Variants in EFCAB14 observed in about 807,000 individuals in gnomAD.
EFCAB14 encodes the protein EF-hand calcium-binding domain-containing protein 14.
In EFCAB14, 43 loss-of-function variants were observed where a neutral mutation model predicts 56.5. The observed-to-expected ratio is 0.76, with a 90% CI of 0.60 to 0.98. The LOEUF (loss-of-function observed/expected upper bound fraction) is 0.98, where lower values mean the gene tolerates loss of function less well. EFCAB14 is among the 50% of genes least tolerant of loss of function. The pLI, the probability that EFCAB14 is intolerant of heterozygous loss-of-function variation, is 0.00. For synonymous variants in EFCAB14, 235 were observed against 212.9 expected, an observed-to-expected ratio of 1.10 and a Z score of -0.90; for missense variants, 538 against 580.3, an observed-to-expected ratio of 0.93 and a Z score of 0.75.
intron 1 of EFCAB14, 77 bp from the exon 2 acceptor site, chr1:46,716,520 T>A: frequency 6.5e-7 from 1 of 1,530,482 alleles, no homozygotes; most frequent in Non-Finnish European, 8.9e-7. Flanking sequence ...GTACACGTTT[T>A]GCCATGCAAT....
intron 3 of EFCAB14, among the ~76,000 whole-genome samples, chr1:46,701,418 A>G (rs1198723056): frequency 1.3e-5 from 2 of 152,186 alleles, no homozygotes; most frequent in Non-Finnish European, 2.9e-5. Flanking sequence ...CCTTTCAGCC[A>G]CCTGAGGGGA....
Position 46,678,862 on chromosome 1 carries a change from C to T in EFCAB14, c.1313-226G>A, listed in dbSNP as rs183324420. 4.0e-5 allele frequency among the ~76,000 whole-genome samples: 6 copies of T among 149,630 alleles called. No individual in the cohort carries two copies. The East Asian group carries it at 1.2e-3, about 29-fold the overall frequency. ...AAAAGGCTGGGTGCAGTGGCTTATG[C>T]CTATAATCCCAACACTCTGGGAGGC... is the stretch of plus-strand genomic sequence containing the variant. On this transcript the variant is annotated intron_variant, in intron 10 of 10. Coordinates refer to ENST00000371933, the MANE Select transcript of EFCAB14 (RefSeq NM_014774.3).
At chr1:46,693,267 C>T (rs1264880000) in intron 4 of EFCAB14, among the ~76,000 whole-genome samples, 3 of 152,106 alleles carry the variant, frequency 2.0e-5, no homozygotes, top group Admixed American at 2.0e-4. Flanking sequence ...TGAGTTTTGG[C>T]CTTTTCAAGA....
At chr1:46,716,467 C>T (rs745313829) in intron 1 of EFCAB14, 24 bp from the exon 2 acceptor site, 40 of 1,613,094 alleles carry the variant, frequency 2.5e-5, no homozygotes, top group Middle Eastern at 3.3e-4. Context: ...CAAATTCAAC[C>T]ATGAGTACAA....
In EFCAB14 at chr1:46,678,604, C is replaced by T; in HGVS notation, c.1345G>A (p.Asp449Asn). ...LQDLFRKTGQ[D>N]VDGKLTYQEI... is the part of the protein sequence containing the mutation. ...TGGTAGGTCAGCTTCCCATCCACGT[C>T]CTGGCCAGTCTTGCGGAATAAATCC... Residue 449 changes from aspartate to asparagine, a missense_variant, in exon 11 of 11, where the codon GAC (aspartate) becomes AAC (asparagine). Transcript: ENST00000371933. 6.2e-7 allele frequency: 1 copy of T among 1,613,924 alleles called. No homozygotes were observed. Among genetic ancestry groups the T allele is most frequent in the Non-Finnish European group, 8.5e-7 (1 of 1,179,910 alleles).
rs1448297756 is a variant in EFCAB14, at chr1:46,689,577, T to A, written c.795+10A>T. The A allele has an allele frequency of 6.8e-6, 11 of 1,613,506 alleles. No homozygotes were observed. Among genetic ancestry groups the A allele is most frequent in the Non-Finnish European group, 9.3e-6 (11 of 1,179,530 alleles). ...TGGTCACAGGGAGTTAAGCCAGAGA[T>A]AAAAAGCACCTGTTTCAAATTCTCA... On this transcript the variant is annotated intron_variant, in intron 6 of 10. Transcript: ENST00000371933.
intron 2 of EFCAB14, 27 bp from the exon 3 acceptor site, chr1:46,708,078 T>C (rs1677258493): frequency 6.2e-7 from 1 of 1,603,194 alleles, no homozygotes; most frequent in Non-Finnish European, 8.5e-7. Flanking sequence ...AGAACAATCA[T>C]AACTAGCATA....
intron 8 of EFCAB14, 133 bp downstream of exon 8, chr1:46,686,651 T>C (rs1676886612): frequency 2.3e-6 from 2 of 866,834 alleles, no homozygotes; most frequent in Non-Finnish European, 3.7e-6. Context: ...CATACTAATT[T>C]ACTAATTGCT....
chr1:46,688,631 G>T, intron 6 of EFCAB14, 87 bp from the exon 7 acceptor site: 1 of 1,122,952 alleles, frequency 8.9e-7, no homozygotes. Flanking sequence ...CCATTACTAT[G>T]TCAAGTACTG....
intron 4 of EFCAB14, chr1:46,692,149 A>G: frequency 2.4e-6 from 1 of 409,436 alleles, no homozygotes. Context: ...TTCCCAGGCA[A>G]CCACTGATCC....
chr1:46,683,011 A>C (rs1379558646), intron 10 of EFCAB14, among the ~76,000 whole-genome samples: 1 of 141,262 alleles, frequency 7.1e-6, no homozygotes, highest in Non-Finnish European at 1.6e-5. Flanking sequence ...GTCTAAAAAA[A>C]AAGCACAAGC....
rs1210721137 is a variant in EFCAB14 at position 46,709,687 on chromosome 1, A to C, written c.335-1636T>G. 4.6e-5 allele frequency among the ~76,000 whole-genome samples: 7 copies of C among 152,160 alleles called. No homozygotes were observed. The East Asian group carries it at 1.2e-3, about 25-fold the overall frequency. ...TATACTATTAAGTTAAACAAAAAAA[A>C]CCCTCAACAAATAACCCAGGCTGGG... On this transcript the variant is annotated intron_variant, in intron 2 of 10. Coordinates refer to ENST00000371933, the MANE Select transcript of EFCAB14 (RefSeq NM_014774.3).
rs1269064493 is a variant in EFCAB14 at position 46,677,439 on chromosome 1, T to C, written c.*1022A>G. ...CTAGGTAAAATCTCAAGGGGTATGG[T>C]TTTCTGGGTCAAAATTAGAAGCACA... On this transcript the variant is annotated 3_prime_UTR_variant, in exon 11 of 11. Transcript: ENST00000371933. 1 of 151,996 alleles carries C rather than the reference T, an allele frequency of 6.6e-6. No individual in the cohort carries two copies. Among genetic ancestry groups the C allele is most frequent in the Non-Finnish European group, 1.5e-5 (1 of 67,994 alleles). 9.4% of individuals were successfully genotyped at this position (151,996 alleles called of 1,614,324 possible). A position where few individuals can be genotyped will look rare whatever the true frequency, so the allele number is the denominator to read the frequency against.
intron 3 of EFCAB14, among the ~76,000 whole-genome samples, chr1:46,701,917 C>T (rs1677164480): frequency 6.6e-6 from 1 of 152,218 alleles, no homozygotes; most frequent in South Asian, 2.1e-4. Flanking sequence ...ATAATGCCAA[C>T]ATCTGTGGAA....
At chr1:46,688,723 A>G (rs1312276296) in intron 6 of EFCAB14, among the ~76,000 whole-genome samples, 179 bp from the exon 7 acceptor site, 1 of 152,124 alleles carries the variant, frequency 6.6e-6, no homozygotes, top group East Asian at 1.9e-4. Flanking sequence ...TCCTTTTGGA[A>G]TTGTTTGGCC....
intron 2 of EFCAB14, among the ~76,000 whole-genome samples, chr1:46,711,556 C>T (rs1390412394): frequency 6.7e-6 from 1 of 150,060 alleles, no homozygotes; most frequent in African/African-American, 2.5e-5. Context: ...TTAGGAGAGA[C>T]AAGTCAAGTA....
At chr1:46,690,074 C>T (rs920945334) in intron 5 of EFCAB14, among the ~76,000 whole-genome samples, 3 of 152,218 alleles carry the variant, frequency 2.0e-5, no homozygotes, top group African/African-American at 7.2e-5. Context: ...GTCATTGTTT[C>T]CACTGGACTC....
intron 2 of EFCAB14, among the ~76,000 whole-genome samples, chr1:46,714,574 T>C (rs1244787500): frequency 6.6e-6 from 1 of 152,116 alleles, no homozygotes; most frequent in Non-Finnish European, 1.5e-5. Context: ...GGCAGATCAC[T>C]TGAGCCCAGG....
At chr1:46,686,160 T>C (rs943050625) in intron 8 of EFCAB14, among the ~76,000 whole-genome samples, 1 of 152,198 alleles carries the variant, frequency 6.6e-6, no homozygotes, top group African/African-American at 2.4e-5. Context: ...GTAATCACAC[T>C]TTCTTTCCTG....
Sources: allele counts gnomAD v4.1 joint callset (sites outside exome capture counted in the v4.1 genomes callset), GRCh38; gene constraint gnomAD v4.1.1; transcripts MANE v1.5; gene names NCBI Gene and HGNC (gene_info 2026-07-23, HGNC 2026-07-21).